KCNN3: variants seen among roughly 807,000 people sequenced by gnomAD.
The protein encoded by KCNN3 is potassium calcium-activated channel subfamily N member 3.
KCNN3 carries 16 observed loss-of-function variants against 62.9 expected under a neutral mutation model. The ratio of observed to expected loss-of-function variants is 0.25; its 90% CI spans 0.17 to 0.39. The LOEUF is 0.39. Among genes scored for constraint, KCNN3 ranks in the 10% least tolerant of loss-of-function variants. The probability of loss-of-function intolerance (pLI) is 1.00; values close to 1 mark genes in which losing one functional copy is unlikely to be tolerated. For missense variants in KCNN3, 599 were observed against 949.4 expected (o/e 0.63, Z 4.85); for synonymous variants, 370 against 389.2 (o/e 0.95, Z 0.58).
At chr1:154,786,201 G>A (rs1289863250) in intron 2 of KCNN3, among the ~76,000 whole-genome samples, 2 of 152,106 alleles carry the variant, frequency 1.3e-5, no homozygotes, top group African/African-American at 4.8e-5. Context: ...CCACCCAAAT[G>A]AATACATAAA....
At chr1:154,813,006 C>T (rs1001520985) in intron 2 of KCNN3, among the ~76,000 whole-genome samples, 5 of 152,212 alleles carry the variant, frequency 3.3e-5, no homozygotes, top group Non-Finnish European at 7.3e-5. Flanking sequence ...ATTCTGGCTA[C>T]AATCAGAGTT....
chr1:154,848,003 C>T (rs1652147277), intron 1 of KCNN3, among the ~76,000 whole-genome samples: 1 of 152,178 alleles, frequency 6.6e-6, no homozygotes, highest in Admixed American at 6.5e-5. Context: ...ACCTACTCCT[C>T]CCAAATCTCT....
chr1:154,869,816 G>C lies in KCNN3; in HGVS notation c.149C>G (p.Ala50Gly). The C allele has an allele frequency of 2.0e-6, 3 of 1,522,762 alleles. No homozygotes were observed. Among genetic ancestry groups the C allele is most frequent in the Non-Finnish European group, 2.7e-6 (3 of 1,128,498 alleles). 94.3% of individuals were successfully genotyped at this position (1,522,762 alleles called of 1,614,324 possible). A position where few individuals can be genotyped will look rare whatever the true frequency, so the allele number is the denominator to read the frequency against. Reference sequence around the variant, plus strand: ...CGAGGGTCCCAGGGGCTGCTGGGGGGCTGCTGGTGGCGCTGGCGGTGGTGG... The same window carrying C: ...CGAGGGTCCCAGGGGCTGCTGGGGGCCTGCTGGTGGCGCTGGCGGTGGTGG... ...QQPPPPAPPA[A>G]PQQPLGPSLQ... The change falls in exon 1 of 8, where the codon GCC becomes GGC. Residue 50 changes from alanine (A) to glycine (G), a missense_variant. This residue lies in a region of KCNN3 where 59 missense variants were observed against 62.4 expected (regional missense o/e 0.95). Transcript: ENST00000271915. This position sits in a 1 kb window ranked among gnomAD's most constrained non-coding sequence, Gnocchi z 6.1.
At chr1:154,865,045 C>T (rs1166806091) in intron 1 of KCNN3, among the ~76,000 whole-genome samples, 1 of 152,130 alleles carries the variant, frequency 6.6e-6, no homozygotes, top group Non-Finnish European at 1.5e-5. Context: ...CAGCCACCAA[C>T]ATGATGGCAG....
chr1:154,814,152 A>C (rs1440806561), intron 2 of KCNN3, among the ~76,000 whole-genome samples: 3 of 152,224 alleles, frequency 2.0e-5, no homozygotes, highest in Non-Finnish European at 4.4e-5. Flanking sequence ...TGCAGAAAGC[A>C]CGGGCCAGAT....
chr1:154,776,862 T>C lies in KCNN3; in HGVS notation c.1030-4469A>G, dbSNP rs549435724. Among the ~76,000 whole-genome samples, 4 of 152,264 alleles carry C rather than the reference T, an allele frequency of 2.6e-5. 1 individual carries two copies. The highest frequency in any genetic ancestry group is 2.6e-4 in the Admixed American group (4 of 15,296). On this transcript the variant is annotated intron_variant, in intron 2 of 7. Transcript: ENST00000271915. ...CCCACCCCAGGCCAAGTAATCAGAA[T>C]CTCTGGGGGTGGAGCCCTGGCACGG...
At chr1:154,821,219 A>ATC (rs1036111925) in intron 2 of KCNN3, among the ~76,000 whole-genome samples, 2 of 152,128 alleles carry the variant, frequency 1.3e-5, no homozygotes, top group African/African-American at 4.8e-5. Flanking sequence ...GTCTTCGTCA[A>ATC]TCTCTCGCCT....
chr1:154,727,145 G>A (rs1008971906), intron 4 of KCNN3, among the ~76,000 whole-genome samples: 1 of 152,178 alleles, frequency 6.6e-6, no homozygotes, highest in African/African-American at 2.4e-5. Context: ...AGAGACCATC[G>A]CCCTCTGCCT....
chr1:154,824,507 C>T (rs1244147554), intron 1 of KCNN3, among the ~76,000 whole-genome samples: 2 of 152,226 alleles, frequency 1.3e-5, no homozygotes, highest in South Asian at 4.1e-4. Context: ...CAGGAACACT[C>T]AGACTGTATT....
intron 3 of KCNN3, among the ~76,000 whole-genome samples, chr1:154,739,717 A>G (rs940115978): frequency 2.6e-5 from 4 of 152,260 alleles, no homozygotes; most frequent in Admixed American, 2.0e-4. Context: ...TGGTAAGATC[A>G]TGGCTTCTGT....
rs371220440 is a variant in KCNN3, at chr1:154,866,143, C to T, written c.933+2889G>A. 2.0e-5 allele frequency among the ~76,000 whole-genome samples: 3 copies of T among 152,148 alleles called. No homozygotes were observed. In the East Asian group the frequency reaches 5.8e-4, roughly 29 times the overall value. ...TATTCACCTCCCCCCAAGAATAAACCATGCTTAAAGGTGGTCTCTAGTCAG... is the reference window on the plus strand; with the variant it reads ...TATTCACCTCCCCCCAAGAATAAACTATGCTTAAAGGTGGTCTCTAGTCAG... On this transcript the variant is annotated intron_variant, in intron 1 of 7. Transcript: ENST00000271915.
intron 5 of KCNN3, among the ~76,000 whole-genome samples, chr1:154,718,537 ACT>A (rs1424371762): frequency 6.6e-6 from 1 of 152,138 alleles, no homozygotes; most frequent in Non-Finnish European, 1.5e-5. Context: ...CCACTGCTGA[ACT>A]CTCTGAGACT....
At chr1:154,802,817 C>T (rs994965740) in intron 2 of KCNN3, among the ~76,000 whole-genome samples, 1 of 152,218 alleles carries the variant, frequency 6.6e-6, no homozygotes, top group Admixed American at 6.5e-5. Flanking sequence ...ATCCAAGAGG[C>T]AGACCCACAC....
At chr1:154,866,792 A>G (rs1360697130) in intron 1 of KCNN3, among the ~76,000 whole-genome samples, 1 of 152,174 alleles carries the variant, frequency 6.6e-6, no homozygotes, top group Non-Finnish European at 1.5e-5. Context: ...TGATTCAGAA[A>G]TGCGGGGAGC....
At chr1:154,845,429 C>T (rs575136620) in intron 1 of KCNN3, among the ~76,000 whole-genome samples, 260 of 152,320 alleles carry the variant, frequency 1.7e-3, no homozygotes, top group Non-Finnish European at 2.9e-3. Flanking sequence ...CCAAATGGAA[C>T]CAGATGCACC....
chr1:154,855,122 G>A (rs1224170606), intron 1 of KCNN3, among the ~76,000 whole-genome samples: 1 of 152,132 alleles, frequency 6.6e-6, no homozygotes, highest in East Asian at 1.9e-4. Context: ...GGAGGCTGAG[G>A]CAGGAGAATT....
At chr1:154,820,132 T>C (rs1182754840) in intron 2 of KCNN3, among the ~76,000 whole-genome samples, 1 of 152,134 alleles carries the variant, frequency 6.6e-6, no homozygotes, top group East Asian at 1.9e-4. Context: ...CATGGGACAA[T>C]GGGTACCCAG....
chr1:154,864,829 G>A (rs1220130055), intron 1 of KCNN3, among the ~76,000 whole-genome samples: 1 of 152,176 alleles, frequency 6.6e-6, no homozygotes, highest in Non-Finnish European at 1.5e-5. Context: ...CAGAGGACTG[G>A]TTCTGCCTGG....
Position 154,707,261 on chromosome 1 carries a change from A to T in KCNN3, c.*715T>A, listed in dbSNP as rs1699981739. ...CATGTAAGGGGTGCCTATTGTATGC[A>T]GGGTAAGGTGTCAAGTCCCTTTTTA... On this transcript the variant is annotated 3_prime_UTR_variant, in exon 8 of 8. Coordinates refer to ENST00000271915, the MANE Select transcript of KCNN3 (RefSeq NM_002249.6). The T allele has an allele frequency of 6.6e-6, 1 of 152,194 alleles. No individual in the cohort carries two copies. The highest frequency in any genetic ancestry group is 1.5e-5 in the Non-Finnish European group (1 of 68,034). The allele number at this position is 152,194 out of a possible 1,614,324, so 9.4% of individuals were successfully genotyped here.
Sources: allele counts gnomAD v4.1 joint callset (sites outside exome capture counted in the v4.1 genomes callset), GRCh38; gene constraint gnomAD v4.1.1; regional missense constraint gnomAD v4.1.1; non-coding constraint Gnocchi (gnomAD v3.1); transcripts MANE v1.5; gene names NCBI Gene and HGNC (gene_info 2026-07-23, HGNC 2026-07-21).